Variants in UHMK1 observed in about 807,000 individuals in gnomAD.
UHMK1 encodes serine/threonine-protein kinase Kist.
UHMK1 carries 18 observed loss-of-function variants against 44.0 expected under a neutral mutation model. The observed-to-expected ratio is 0.41, with a 90% CI of 0.28 to 0.61. UHMK1 has a LOEUF of 0.61. Ranked by LOEUF, UHMK1 falls within the 20% of genes least tolerant of loss-of-function variation. The pLI is 0.31. For missense variants in UHMK1, 463 were observed against 522.5 expected (o/e 0.89, Z 1.11); for synonymous variants, 231 against 198.5 (o/e 1.16, Z -1.38).
At chr1:162,503,611 CAAAAAAAAAA>C (rs33964112) in intron 3 of UHMK1, 133 bp from the exon 4 acceptor site, 7 of 358,270 alleles carry the variant, frequency 2.0e-5, no homozygotes, top group Non-Finnish European at 2.5e-5. Context: ...ACCCTGTCTC[CAAAAAAAAAA>C]AAAAAAAAAA....
In UHMK1 at chr1:162,527,255, A is replaced by G. The variant is rs916509345; in HGVS notation, c.*4705A>G. 2.6e-5 allele frequency: 4 copies of G among 152,014 alleles called. No individual in the cohort carries two copies. Among genetic ancestry groups the G allele is most frequent in the Non-Finnish European group, 5.9e-5 (4 of 67,914 alleles). The allele number at this position is 152,014 out of a possible 1,614,324, so 9.4% of individuals were successfully genotyped here. ...CCACCTCCCTCAGATGTTTTTCACTATTTTTAAATTATATAATGACCAGTA... is the reference window on the plus strand; with the variant it reads ...CCACCTCCCTCAGATGTTTTTCACTGTTTTTAAATTATATAATGACCAGTA... On this transcript the variant is annotated 3_prime_UTR_variant, in exon 8 of 8. Transcript: ENST00000489294.
intron 7 of UHMK1, among the ~76,000 whole-genome samples, 185 bp downstream of exon 7, chr1:162,518,375 A>AT (rs1297913463): frequency 3.3e-5 from 5 of 151,720 alleles, no homozygotes; most frequent in African/African-American, 7.3e-5. Flanking sequence ...ATATGCTTGC[A>AT]TTTTTTTAGC....
rs1463185189 is a variant in UHMK1 at position 162,527,085 on chromosome 1, TTAAGA to T, written c.*4540_*4544del. ...ACAGAGCTGAGCCTCTTGTGGTATA[TTAAGA>T]TAAGTCCCATTCTTAATCACAGAAG... On this transcript the variant is annotated 3_prime_UTR_variant, in exon 8 of 8. Coordinates refer to ENST00000489294, the MANE Select transcript of UHMK1 (RefSeq NM_175866.5). 2 of 152,114 alleles carry T rather than the reference TTAAGA, an allele frequency of 1.3e-5. No homozygotes were observed. Among genetic ancestry groups the T allele is most frequent in the African/African-American group, 4.8e-5 (2 of 41,458 alleles). The allele number at this position is 152,114 out of a possible 1,614,324, so 9.4% of individuals were successfully genotyped here. A position where few individuals can be genotyped will look rare whatever the true frequency, so the allele number is the denominator to read the frequency against.
chr1:162,511,189 CTTTT>C (rs142796500), intron 4 of UHMK1, among the ~76,000 whole-genome samples: 80 of 101,006 alleles, frequency 7.9e-4, no homozygotes, highest in East Asian at 6.5e-3. Context: ...TTTTCTTTTT[CTTTT>C]TTTTTTTTTT....
intron 6 of UHMK1, among the ~76,000 whole-genome samples, chr1:162,516,100 CCCT>C (rs1199169208): frequency 3.3e-5 from 5 of 151,728 alleles, no homozygotes; most frequent in African/African-American, 1.2e-4. Context: ...AACCATATAA[CCCT>C]CCTCCTCTAT....
chr1:162,500,827 A>G, intron 2 of UHMK1, 86 bp from the exon 3 acceptor site: 1 of 1,305,040 alleles, frequency 7.7e-7, no homozygotes, highest in South Asian at 1.5e-5. Flanking sequence ...GGTTTACTGC[A>G]CTCTTAGGGA....
rs928837258 is a variant in UHMK1, at chr1:162,529,081, A to C, written c.*6531A>C. ...ACTTAAACCAAAGCCAGTTACAAGGAGTAATCTCTCCTGTTGGTTTACCTT... is the reference window on the plus strand; with the variant it reads ...ACTTAAACCAAAGCCAGTTACAAGGCGTAATCTCTCCTGTTGGTTTACCTT... On this transcript the variant is annotated 3_prime_UTR_variant, in exon 8 of 8. Transcript: ENST00000489294. The C allele has an allele frequency of 6.6e-6, 1 of 152,174 alleles. No homozygotes were observed. 9.4% of individuals were successfully genotyped at this position (152,174 alleles called of 1,614,324 possible).
chr1:162,499,103 C>G (rs1651173173), intron 1 of UHMK1, among the ~76,000 whole-genome samples: 1 of 151,922 alleles, frequency 6.6e-6, no homozygotes, highest in Non-Finnish European at 1.5e-5. Flanking sequence ...CTGATCTCTG[C>G]AAGATTAAAA....
chr1:162,518,064 A>G lies in UHMK1; in HGVS notation c.1025-38A>G, dbSNP rs150810991. The G allele has an allele frequency of 6.1e-4, 857 of 1,403,176 alleles. 3 individuals are homozygous for G. The Middle Eastern group carries it at 0.012, about 20-fold the overall frequency. The allele number at this position is 1,403,176 out of a possible 1,614,324, so 86.9% of individuals were successfully genotyped here. On this transcript the variant is annotated intron_variant, in intron 6 of 7. Transcript: ENST00000489294. The stretch of plus-strand genomic sequence containing the variant: ...TTAAAATGTTGAATACTTGTTTATT[A>G]TATCAGAGCAGTTACTGTTATGTGT...
At chr1:162,505,257 T>C (rs1203442688) in intron 4 of UHMK1, among the ~76,000 whole-genome samples, 12 of 152,198 alleles carry the variant, frequency 7.9e-5, no homozygotes, top group Admixed American at 5.9e-4. Flanking sequence ...CTTCCACATA[T>C]TGTCTTACTG....
Position 162,525,584 on chromosome 1 carries a change from A to G in UHMK1, c.*3034A>G, listed in dbSNP as rs1169317116. 6.6e-6 allele frequency: 1 copy of G among 152,222 alleles called. No individual in the cohort carries two copies. The highest frequency in any genetic ancestry group is 1.5e-5 in the Non-Finnish European group (1 of 68,028). The allele number at this position is 152,222 out of a possible 1,614,324, so 9.4% of individuals were successfully genotyped here. A position where few individuals can be genotyped will look rare whatever the true frequency, so the allele number is the denominator to read the frequency against. Reference sequence around the variant, plus strand: ...CTAATGCTGTATTTACAGGACAAAAACAAGTAGAGTTGGACACCTCAGTAA... The same window carrying G: ...CTAATGCTGTATTTACAGGACAAAAGCAAGTAGAGTTGGACACCTCAGTAA... On this transcript the variant is annotated 3_prime_UTR_variant, in exon 8 of 8. Transcript: ENST00000489294.
chr1:162,526,726 T>A lies in UHMK1; in HGVS notation c.*4176T>A, dbSNP rs1021389181. 2.6e-5 allele frequency: 4 copies of A among 152,172 alleles called. No homozygotes were observed. Among genetic ancestry groups the A allele is most frequent in the African/African-American group, 9.6e-5 (4 of 41,460 alleles). 9.4% of individuals were successfully genotyped at this position (152,172 alleles called of 1,614,324 possible). A position where few individuals can be genotyped will look rare whatever the true frequency, so the allele number is the denominator to read the frequency against. ...AGCCTTGGTTTACCTTATTTTTTTG[T>A]ATATGTAAAACTATTCATATTTGAT... On this transcript the variant is annotated 3_prime_UTR_variant, in exon 8 of 8. Coordinates refer to ENST00000489294, the MANE Select transcript of UHMK1 (RefSeq NM_175866.5).
At chr1:162,497,320 C>T (rs1391855181), upstream of UHMK1, 4 of 702,308 alleles carry the variant, frequency 5.7e-6, no homozygotes, top group South Asian at 1.5e-5. Flanking sequence ...CGGACCCCCA[C>T]TTCCCGTCAT....
At chr1:162,508,855 A>G (rs1275600517) in intron 4 of UHMK1, among the ~76,000 whole-genome samples, 2 of 151,932 alleles carry the variant, frequency 1.3e-5, no homozygotes, top group African/African-American at 4.8e-5. Context: ...GACCCAGGCT[A>G]GAGTGCCATG....
chr1:162,506,225 C>CA, intron 4 of UHMK1, among the ~76,000 whole-genome samples: 1 of 2,484 alleles, frequency 4.0e-4, no homozygotes, highest in East Asian at 8.2e-3. Context: ...AAATAATAGC[C>CA]CCCCCCCCCC....
intron 3 of UHMK1, among the ~76,000 whole-genome samples, chr1:162,502,833 A>G (rs773502371): frequency 6.6e-6 from 1 of 152,230 alleles, no homozygotes; most frequent in Non-Finnish European, 1.5e-5. Context: ...GCTTTCTTTA[A>G]AATGAGGATA....
upstream of UHMK1, chr1:162,497,374 C>A (rs992715709): frequency 7.6e-5 from 51 of 667,470 alleles, no homozygotes; most frequent in Non-Finnish European, 2.2e-5. Context: ...GGGAGAAAGT[C>A]CATTCCGATG....
intron 4 of UHMK1, among the ~76,000 whole-genome samples, chr1:162,512,104 C>T (rs911411147): frequency 2.0e-5 from 3 of 149,042 alleles, no homozygotes; most frequent in African/African-American, 7.5e-5. Flanking sequence ...AGATATTGTC[C>T]ATGGGTTTTT....
At position 162,523,385 on chromosome 1, in the gene UHMK1, C is replaced by T. The variant is rs569865377; in HGVS notation, c.*835C>T. 24 of 152,690 alleles carry T rather than the reference C, an allele frequency of 1.6e-4. No homozygotes were observed. The highest frequency in any genetic ancestry group is 3.3e-4 in the Admixed American group (5 of 15,294). 9.5% of individuals were successfully genotyped at this position (152,690 alleles called of 1,614,324 possible). ...GTCTGATACAATGTAAATGACAAAA[C>T]ATAATTCCTGAGAGGCCCAGAACAA... On this transcript the variant is annotated 3_prime_UTR_variant, in exon 8 of 8. Transcript: ENST00000489294.
Sources: gnomAD v4.1 joint callset for allele counts (sites outside exome capture counted in the v4.1 genomes callset) on GRCh38, gnomAD v4.1.1 for gene constraint, MANE v1.5 for transcripts, NCBI Gene and HGNC (gene_info 2026-07-23, HGNC 2026-07-21) for gene names.